ETF1: variants seen among roughly 807,000 people sequenced by gnomAD.
The protein encoded by ETF1 is eukaryotic peptide chain release factor subunit 1.
In ETF1, 4 loss-of-function variants were observed where a neutral mutation model predicts 55.1. That is an observed-to-expected ratio of 0.07 (90% confidence interval 0.04 to 0.17). ETF1 has a LOEUF of 0.17. ETF1 is among the 10% of genes least tolerant of loss of function. The pLI is 1.00. For missense variants in ETF1, 142 were observed against 523.6 expected, an observed-to-expected ratio of 0.27 and a Z score of 7.11; for synonymous variants, 157 against 182.3, an observed-to-expected ratio of 0.86 and a Z score of 1.12.
At chr5:138,537,476 T>C (rs1344391107) in intron 2 of ETF1, among the ~76,000 whole-genome samples, 1 of 152,252 alleles carries the variant, frequency 6.6e-6, no homozygotes, top group African/African-American at 2.4e-5. Flanking sequence ...AACCAAAATT[T>C]GGAAAGAGTG....
intron 9 of ETF1, 151 bp downstream of exon 9, chr5:138,510,414 A>T: frequency 3.3e-6 from 1 of 300,174 alleles, no homozygotes; most frequent in Non-Finnish European, 6.8e-6. Context: ...CTGAAATCAG[A>T]TTCGTATGTG....
intron 9 of ETF1, chr5:138,509,182 G>A (rs1764666103): frequency 1.0e-6 from 1 of 985,262 alleles, no homozygotes; most frequent in Non-Finnish European, 1.2e-6. Context: ...GCTTTTGGGA[G>A]TGGCCTCGTA....
intron 2 of ETF1, chr5:138,541,622 T>C: frequency 2.6e-6 from 4 of 1,529,934 alleles, no homozygotes; most frequent in Non-Finnish European, 3.5e-6. Context: ...AATCTACCCA[T>C]AAATGACAAT....
chr5:138,536,784 A>AAT (rs1488310254), intron 2 of ETF1, among the ~76,000 whole-genome samples: 3 of 152,104 alleles, frequency 2.0e-5, no homozygotes, highest in Non-Finnish European at 4.4e-5. Context: ...TTTAACAATG[A>AAT]AGTACCATCC....
intron 2 of ETF1, among the ~76,000 whole-genome samples, chr5:138,524,912 C>G (rs1431541052): frequency 6.7e-6 from 1 of 150,214 alleles, no homozygotes; most frequent in Non-Finnish European, 1.5e-5. Context: ...CTTCCTTTCC[C>G]TTTTTTTTTC....
At chr5:138,522,325 T>A (rs1765265649) in intron 2 of ETF1, among the ~76,000 whole-genome samples, 1 of 152,014 alleles carries the variant, frequency 6.6e-6, no homozygotes, top group Non-Finnish European at 1.5e-5. Flanking sequence ...AAATAAAAAA[T>A]GGGCAAAGGG....
At chr5:138,542,774 T>A in intron 2 of ETF1, 59 bp downstream of exon 2, 1 of 1,596,862 alleles carries the variant, frequency 6.3e-7, no homozygotes, top group Non-Finnish European at 8.5e-7. Flanking sequence ...CGCGGGGGCG[T>A]CCATCCTGAG....
intron 6 of ETF1, chr5:138,511,914 C>A (rs920470289): frequency 1.0e-6 from 1 of 984,572 alleles, no homozygotes; most frequent in Admixed American, 6.2e-5. Flanking sequence ...GAGGTTAAGA[C>A]GGGCTGGGGA....
At chr5:138,540,264 G>A (rs985383827) in intron 2 of ETF1, among the ~76,000 whole-genome samples, 1 of 152,088 alleles carries the variant, frequency 6.6e-6, no homozygotes, top group Non-Finnish European at 1.5e-5. Context: ...AAACAATACT[G>A]TTACTCAACC....
At chr5:138,538,450 A>C (rs896322323) in intron 2 of ETF1, among the ~76,000 whole-genome samples, 1 of 152,166 alleles carries the variant, frequency 6.6e-6, no homozygotes, top group Non-Finnish European at 1.5e-5. Context: ...TTGGCCTCCC[A>C]AAGTGCTGGG....
chr5:138,513,343 T>A, intron 5 of ETF1: 1 of 398,426 alleles, frequency 2.5e-6, no homozygotes, highest in Non-Finnish European at 3.4e-6. Context: ...GCAATTCTCC[T>A]GCCTCAGCCT....
At chr5:138,533,140 A>G (rs1765772853) in intron 2 of ETF1, among the ~76,000 whole-genome samples, 2 of 151,744 alleles carry the variant, frequency 1.3e-5, no homozygotes, top group African/African-American at 2.4e-5. Context: ...GGGTTTCACC[A>G]TGTTGGCCAG....
chr5:138,527,254 G>C (rs952468812), intron 2 of ETF1, among the ~76,000 whole-genome samples: 2 of 151,310 alleles, frequency 1.3e-5, no homozygotes, highest in African/African-American at 4.8e-5. Flanking sequence ...AATTCTGTTT[G>C]GGTGTCTACC....
intron 3 of ETF1, chr5:138,517,951 C>T (rs1765087124): frequency 3.2e-6 from 3 of 932,444 alleles, no homozygotes; most frequent in Admixed American, 6.2e-5. Context: ...CCTGTAATCC[C>T]AGCACTCTGG....
At chr5:138,539,775 T>C (rs1229014438) in intron 2 of ETF1, among the ~76,000 whole-genome samples, 1 of 152,230 alleles carries the variant, frequency 6.6e-6, no homozygotes, top group Non-Finnish European at 1.5e-5. Flanking sequence ...GAATCTGTTA[T>C]AGCTCAGACT....
chr5:138,508,524 C>T (rs946758489), intron 10 of ETF1, 137 bp from the exon 11 acceptor site: 1 of 1,552,652 alleles, frequency 6.4e-7, no homozygotes, highest in African/African-American at 1.4e-5. Flanking sequence ...AAACATGGGT[C>T]CAAATTAGGA....
chr5:138,528,684 G>T (rs1765573905), intron 2 of ETF1, among the ~76,000 whole-genome samples: 1 of 152,078 alleles, frequency 6.6e-6, no homozygotes, highest in Non-Finnish European at 1.5e-5. Context: ...TTCCCTGCAT[G>T]CCCCCTCCCC....
chr5:138,527,650 C>A (rs1765529914), intron 2 of ETF1, among the ~76,000 whole-genome samples: 2 of 152,156 alleles, frequency 1.3e-5, no homozygotes, highest in Admixed American at 1.3e-4. Context: ...TCCACTCATG[C>A]ACAGGGAGAA....
chr5:138,510,430 T>C (rs1428972925), intron 9 of ETF1, 135 bp downstream of exon 9: 2 of 371,686 alleles, frequency 5.4e-6, no homozygotes, highest in African/African-American at 2.4e-5. Context: ...ATGTGGCAGA[T>C]AGATGACCAC....
Sources: allele counts gnomAD v4.1 joint callset (sites outside exome capture counted in the v4.1 genomes callset), GRCh38; gene constraint gnomAD v4.1.1; transcripts MANE v1.5; gene names NCBI Gene and HGNC (gene_info 2026-07-23, HGNC 2026-07-21).